Variants in KCNG4 observed in about 807,000 individuals in gnomAD.
KCNG4 encodes the protein voltage-gated potassium channel regulatory subunit KCNG4.
Under a neutral mutation model 28.2 loss-of-function variants are expected in KCNG4, and 30 were observed. The ratio of observed to expected loss-of-function variants is 1.06; its 90% confidence interval spans 0.80 to 1.44. KCNG4 has a LOEUF of 1.44. Ranked by LOEUF, KCNG4 falls within the 40% of genes most tolerant of loss-of-function variation. The pLI, the probability that KCNG4 is intolerant of heterozygous loss-of-function variation, is 0.00. For synonymous variants in KCNG4, 375 were observed against 315.5 expected (o/e 1.19, Z -2.00); for missense variants, 879 against 712.3 (o/e 1.23, Z -2.66).
intron 1 of KCNG4, among the ~76,000 whole-genome samples, chr16:84,239,270 T>C (rs1905046865): frequency 1.3e-5 from 2 of 152,232 alleles, no homozygotes; most frequent in South Asian, 4.1e-4. Flanking sequence ...TCACAGGGAA[T>C]GGCCAGAGGA....
Position 84,237,141 on chromosome 16 carries a change from C to G in KCNG4, c.345G>C (p.Arg115Ser), listed in dbSNP as rs1156965758. 14 of 1,614,166 alleles carry G rather than the reference C, an allele frequency of 8.7e-6. No homozygotes were observed. Among genetic ancestry groups the G allele is most frequent in the Non-Finnish European group, 1.2e-5 (14 of 1,180,042 alleles). The change falls in exon 2 of 3, where the codon AGG becomes AGC. Residue 115 changes from arginine (R) to serine (S), a missense_variant. Coordinates refer to ENST00000308251, the MANE Select transcript of KCNG4 (RefSeq NM_172347.3). ...CGATCACCCCGAAGGCGCTGGGGCT[C>G]CTGTCGAAGAAGAACTCCTGGCTGT... ...DEDSQEFFFD[R>S]SPSAFGVIVS...
chr16:84,239,897 A>C lies in KCNG4; in HGVS notation c.-268T>G, dbSNP rs1431676241. 2 of 145,362 alleles carry C rather than the reference A, an allele frequency of 1.4e-5. No individual in the cohort carries two copies. The highest frequency in any genetic ancestry group is 3.0e-5 in the Non-Finnish European group (2 of 66,892). The allele number at this position is 145,362 out of a possible 1,614,324, so 9.0% of individuals were successfully genotyped here. On this transcript the variant is annotated 5_prime_UTR_variant, in exon 1 of 3. Transcript: ENST00000308251. ...TCTCTCTCTCCAGCAGCTGCAGGAG[A>C]GCCCTGGGGGATTGAGGTGGGATTT...
chr16:84,227,618 A>G (rs1275295282), intron 2 of KCNG4, among the ~76,000 whole-genome samples: 3 of 152,182 alleles, frequency 2.0e-5, no homozygotes, highest in African/African-American at 7.2e-5. Context: ...AAACTTGTAC[A>G]CAAAAGTCCA....
At chr16:84,236,394 G>A (rs1222025511) in intron 2 of KCNG4, 1 of 428,904 alleles carries the variant, frequency 2.3e-6, no homozygotes, top group African/African-American at 2.0e-5. Flanking sequence ...AGAGGAGGTG[G>A]CGTGATTTGC....
intron 2 of KCNG4, among the ~76,000 whole-genome samples, chr16:84,230,576 TAAAC>T (rs952302545): frequency 4.5e-4 from 69 of 152,060 alleles, no homozygotes; most frequent in African/African-American, 1.6e-3. Flanking sequence ...CGTCTCAAAA[TAAAC>T]AAACAAAGAA....
At position 84,222,080 on chromosome 16, in the gene KCNG4, G is replaced by C; in HGVS notation, c.*137C>G. ...GGATCACAGACACACAGCCTCTGTGGCCTTATGCCCCTCCAGCTTTGAAAG... is the reference window on the plus strand; with the variant it reads ...GGATCACAGACACACAGCCTCTGTGCCCTTATGCCCCTCCAGCTTTGAAAG... On this transcript the variant is annotated 3_prime_UTR_variant, in exon 3 of 3. Transcript: ENST00000308251. 1 of 943,814 alleles carries C rather than the reference G, an allele frequency of 1.1e-6. No homozygotes were observed. The allele number at this position is 943,814 out of a possible 1,614,324, so 58.5% of individuals were successfully genotyped here. A position where few individuals can be genotyped will look rare whatever the true frequency, so the allele number is the denominator to read the frequency against.
rs267604663 is a variant in KCNG4 at position 84,236,893 on chromosome 16, G to C, written c.593C>G (p.Ser198Trp). 12 of 1,613,498 alleles carry C rather than the reference G, an allele frequency of 7.4e-6. No homozygotes were observed. The highest frequency in any genetic ancestry group is 3.3e-5 in the Admixed American group (2 of 60,018). Residue 198 changes from serine (S) to tryptophan (W), a missense_variant, in exon 2 of 3, where the codon TCG becomes TGG. Coordinates refer to ENST00000308251, the MANE Select transcript of KCNG4 (RefSeq NM_172347.3). ...CCGGTTCATGCACAGGCCCCAGCGCGAGGAGTGCGAGGCGGGGCGGCGGGT... is the reference window on the plus strand; with the variant it reads ...CCGGTTCATGCACAGGCCCCAGCGCCAGGAGTGCGAGGCGGGGCGGCGGGT... The part of the protein sequence containing the change: ...RETRRPASHS[S>W]RWGLCMNRLR...
In KCNG4 at chr16:84,237,056, G is replaced by A. The variant is rs1904980470; in HGVS notation, c.430C>T (p.Gln144Ter). Reference sequence around the variant, plus strand: ...ATGCCCCAGTAGGCCAGCTCCTCCTGGAAGGACAGCGCGCACATCTCCTGC... The same window carrying A: ...ATGCCCCAGTAGGCCAGCTCCTCCTAGAAGGACAGCGCGCACATCTCCTGC... ...LLQEMCALSF[Q>*]EELAYWGIEE... Residue 144 changes from glutamine (Q) to a stop codon, truncating the protein, a stop_gained, in exon 2 of 3, where the codon CAG (glutamine) becomes TAG (stop). Coordinates refer to ENST00000308251, the MANE Select transcript of KCNG4 (RefSeq NM_172347.3). LOFTEE classifies it high-confidence loss of function. 6.2e-7 allele frequency: 1 copy of A among 1,614,090 alleles called. No homozygotes were observed. Among genetic ancestry groups the A allele is most frequent in the Non-Finnish European group, 8.5e-7 (1 of 1,180,014 alleles).
intron 1 of KCNG4, 87 bp from the exon 2 acceptor site, chr16:84,237,612 C>G: frequency 1.2e-6 from 1 of 857,410 alleles, no homozygotes; most frequent in Non-Finnish European, 1.6e-6. Context: ...TGCAGATGTT[C>G]TTACGTGTGC....
At chr16:84,236,040 G>A (rs1904939242) in intron 2 of KCNG4, 1 of 152,152 alleles carries the variant, frequency 6.6e-6, no homozygotes, top group South Asian at 2.1e-4. Flanking sequence ...GGCCTCCTGG[G>A]GCAGAGTGAC....
chr16:84,238,271 T>C (rs549794872), intron 1 of KCNG4, among the ~76,000 whole-genome samples: 2 of 152,294 alleles, frequency 1.3e-5, no homozygotes, highest in African/African-American at 4.8e-5. Flanking sequence ...GCCTACTGTT[T>C]AGCAAGCACC....
Position 84,222,433 on chromosome 16 carries a change from G to C in KCNG4, c.1344C>G (p.Phe448Leu), listed in dbSNP as rs746641181. Residue 448 changes from phenylalanine (F) to leucine (L), a missense_variant, in exon 3 of 3, where the codon TTC becomes TTG. Physicochemically the swap from Phe to Leu is conservative, Grantham distance 22. Transcript: ENST00000308251. ...SILSGILIMAFPATSIFHTFS... is the reference protein window; with the variant it reads ...SILSGILIMALPATSIFHTFS... Reference sequence around the variant, plus strand: ...AGGTGTGGAAGATAGACGTGGCCGGGAAGGCCATGATGAGGATCCCGCTCA... The same window carrying C: ...AGGTGTGGAAGATAGACGTGGCCGGCAAGGCCATGATGAGGATCCCGCTCA... 1.2e-6 allele frequency: 2 copies of C among 1,614,138 alleles called. No homozygotes were observed. Among genetic ancestry groups the C allele is most frequent in the South Asian group, 1.1e-5 (1 of 91,080 alleles).
At position 84,219,382 on chromosome 16, in the gene KCNG4, G is replaced by C. The variant is rs927995068; in HGVS notation, c.*2835C>G. 6.6e-6 allele frequency: 1 copy of C among 152,290 alleles called. No homozygotes were observed. The highest frequency in any genetic ancestry group is 2.4e-5 in the African/African-American group (1 of 41,470). 9.4% of individuals were successfully genotyped at this position (152,290 alleles called of 1,614,324 possible). A position where few individuals can be genotyped will look rare whatever the true frequency, so the allele number is the denominator to read the frequency against. ...CCAAGCCAGTCAGTCCCCAGAAAGAGAGTAAGTGGGAGACTTTGTCCTTTT... is the reference window on the plus strand; with the variant it reads ...CCAAGCCAGTCAGTCCCCAGAAAGACAGTAAGTGGGAGACTTTGTCCTTTT... On this transcript the variant is annotated 3_prime_UTR_variant, in exon 3 of 3. Transcript: ENST00000308251.
Position 84,222,372 on chromosome 16 carries a change from C to G in KCNG4, c.1405G>C (p.Glu469Gln). ...HSYLELKKEQEQLQARLRHLQ... is the reference protein window; with the variant it reads ...HSYLELKKEQQQLQARLRHLQ... ...TGGCGGAGGCGGGCCTGAAGCTGCT[C>G]CTGCTCCTTCTTGAGCTCCAGGTAG... Residue 469 changes from glutamate to glutamine, a missense_variant, in exon 3 of 3, where the codon GAG (glutamate) becomes CAG (glutamine). Physicochemically the swap from Glu to Gln is conservative, Grantham distance 29. Coordinates refer to ENST00000308251, the MANE Select transcript of KCNG4 (RefSeq NM_172347.3). 6.2e-7 allele frequency: 1 copy of G among 1,614,114 alleles called. No homozygotes were observed. Among genetic ancestry groups the G allele is most frequent in the Non-Finnish European group, 8.5e-7 (1 of 1,180,004 alleles).
rs1405996139 is a variant in KCNG4, at chr16:84,221,009, G to A, written c.*1208C>T. 1.3e-5 allele frequency: 2 copies of A among 152,276 alleles called. No homozygotes were observed. Among genetic ancestry groups the A allele is most frequent in the Non-Finnish European group, 1.5e-5 (1 of 68,122 alleles). The allele number at this position is 152,276 out of a possible 1,614,324, so 9.4% of individuals were successfully genotyped here. On this transcript the variant is annotated 3_prime_UTR_variant, in exon 3 of 3. Coordinates refer to ENST00000308251, the MANE Select transcript of KCNG4 (RefSeq NM_172347.3). The stretch of plus-strand genomic sequence containing the variant: ...TCCAGCCCTGCCCATGTCTCTGTGA[G>A]GCCTTTGGGAGCCCACTGCTTGGAA...
At chr16:84,238,723 C>G (rs898708140) in intron 1 of KCNG4, among the ~76,000 whole-genome samples, 9 of 152,134 alleles carry the variant, frequency 5.9e-5, no homozygotes, top group Non-Finnish European at 1.2e-4. Context: ...CAAAAATTAG[C>G]TAGGCAAGGT....
chr16:84,238,675 C>A (rs940341575), intron 1 of KCNG4, among the ~76,000 whole-genome samples: 12 of 152,148 alleles, frequency 7.9e-5, no homozygotes, highest in Admixed American at 5.9e-4. Flanking sequence ...GAGTTCGAGA[C>A]CAGCCTGGCC....
chr16:84,233,628 C>A (rs1243028864), intron 2 of KCNG4, among the ~76,000 whole-genome samples: 1 of 151,980 alleles, frequency 6.6e-6, no homozygotes, highest in African/African-American at 2.4e-5. Context: ...CACTTGAGCC[C>A]AGGAGATGCA....
chr16:84,226,860 T>C lies in KCNG4; in HGVS notation c.757-3840A>G, dbSNP rs2550672. 4.5e-3 allele frequency among the ~76,000 whole-genome samples: 678 copies of C among 151,344 alleles called. 4 individuals are homozygous for C. The highest frequency in any genetic ancestry group is 0.015 in the African/African-American group (634 of 41,288). ...CACCACTGCACTGCAGCCTGGGCGA[T>C]AGAGCGAGACTCCGTCTCAAAGACA... On this transcript the variant is annotated intron_variant, in intron 2 of 2. Transcript: ENST00000308251. The surrounding 1 kb of genome is among the most constrained non-coding windows in gnomAD (Gnocchi z 4.1).
Sources: gnomAD v4.1 joint callset for allele counts (sites outside exome capture counted in the v4.1 genomes callset) on GRCh38, gnomAD v4.1.1 for gene constraint, Gnocchi (gnomAD v3.1) non-coding constraint, MANE v1.5 for transcripts, NCBI Gene and HGNC (gene_info 2026-07-23, HGNC 2026-07-21) for gene names.